Variants in NAT1 observed in about 807,000 individuals in gnomAD.
The protein encoded by NAT1 is arylamine N-acetyltransferase 1.
For missense variants in NAT1, 400 were observed against 339.2 expected (o/e 1.18, Z -1.41); for synonymous variants, 144 against 122.6 (o/e 1.17, Z -1.16).
chr8:18,208,981 C>G (rs1053363519), upstream of NAT1, among the ~76,000 whole-genome samples: 18 of 152,310 alleles, frequency 1.2e-4, no homozygotes, highest in African/African-American at 3.9e-4. Context: ...TGTCGCGGGA[C>G]AGTGAGACCA....
chr8:18,178,626 CT>C (rs1173990865), intron 2 of NAT1, among the ~76,000 whole-genome samples: 3 of 152,136 alleles, frequency 2.0e-5, no homozygotes, highest in Non-Finnish European at 4.4e-5. Flanking sequence ...TATCACTGTT[CT>C]TTCCATTTAA....
chr8:18,202,354 T>C (rs550976006), intron 2 of NAT1, among the ~76,000 whole-genome samples: 147 of 152,330 alleles, frequency 9.7e-4, no homozygotes, highest in African/African-American at 3.4e-3. Context: ...AAGAGATTGA[T>C]CGTCTAAAGC....
intron 2 of NAT1, among the ~76,000 whole-genome samples, chr8:18,199,916 T>G (rs1803392432): frequency 6.6e-6 from 1 of 152,054 alleles, no homozygotes. Flanking sequence ...TATGAAAAAA[T>G]GCTCAACATC....
At chr8:18,216,819 T>A in intron 1 of NAT1, 1 of 1,003,144 alleles carries the variant, frequency 1.0e-6, no homozygotes. Flanking sequence ...CTCAATAGGA[T>A]GTGGCACAAA....
At chr8:18,185,143 C>A (rs1382901847) in intron 2 of NAT1, among the ~76,000 whole-genome samples, 2 of 152,034 alleles carry the variant, frequency 1.3e-5, no homozygotes, top group Admixed American at 6.5e-5. Context: ...ATGTCCGTAT[C>A]AAGTTTGTGT....
Position 18,204,995 on chromosome 8 carries a change from C to T in NAT1, n.93-4786C>T, listed in dbSNP as rs193178331. 1.1e-3 allele frequency among the ~76,000 whole-genome samples: 161 copies of T among 152,322 alleles called. 1 individual carries two copies. Among genetic ancestry groups the T allele is most frequent in the African/African-American group, 3.7e-3 (154 of 41,582 alleles). On this transcript the variant is annotated intron_variant and non_coding_transcript_variant, in intron 2 of 4. Coordinates refer to the NAT1 transcript ENST00000517441. ...GACTGTATGCTCTAACTATGGGGGA[C>T]TTGCCTTGATCCCTGACTTTGTCCT...
chr8:18,216,266 C>T (rs1804653994), intron 1 of NAT1, among the ~76,000 whole-genome samples: 1 of 152,180 alleles, frequency 6.6e-6, no homozygotes, highest in Admixed American at 6.5e-5. Context: ...AGAGTAGCTT[C>T]TAACAGCGCT....
intron 2 of NAT1, among the ~76,000 whole-genome samples, chr8:18,187,005 T>C (rs1311623071): frequency 3.9e-5 from 6 of 151,904 alleles, no homozygotes; most frequent in Non-Finnish European, 5.9e-5. Context: ...GCCTGAGGAG[T>C]TGGTGACTCT....
intron 2 of NAT1, among the ~76,000 whole-genome samples, chr8:18,173,182 A>G (rs1563158190): frequency 6.6e-6 from 1 of 151,698 alleles, no homozygotes; most frequent in Non-Finnish European, 1.5e-5. Flanking sequence ...ACACACAATG[A>G]TCATGTGCAC....
chr8:18,211,357 T>C (rs1804084494), intron 1 of NAT1: 1 of 152,184 alleles, frequency 6.6e-6, no homozygotes, highest in Non-Finnish European at 1.5e-5. Flanking sequence ...ACTTGTTTGC[T>C]CTTTCCTAAT....
intron 1 of NAT1, among the ~76,000 whole-genome samples, chr8:18,214,056 G>A (rs368448572): frequency 5.9e-5 from 9 of 152,046 alleles, no homozygotes; most frequent in Middle Eastern, 3.4e-3. Context: ...CTCGTGATCC[G>A]CCCGCCTCGG....
At position 18,223,553 on chromosome 8, in the gene NAT1, A is replaced by G. The variant is rs1344105593; in HGVS notation, c.*633A>G. 1 of 167,050 alleles carries G rather than the reference A, an allele frequency of 6.0e-6. No individual in the cohort carries two copies. Among genetic ancestry groups the G allele is most frequent in the Non-Finnish European group, 1.5e-5 (1 of 68,118 alleles). The allele number at this position is 167,050 out of a possible 1,614,324, so 10.3% of individuals were successfully genotyped here. A position where few individuals can be genotyped will look rare whatever the true frequency, so the allele number is the denominator to read the frequency against. On this transcript the variant is annotated 3_prime_UTR_variant, in exon 3 of 3. Transcript: ENST00000307719. Reference sequence around the variant, plus strand: ...GACTCCTCAGGCATAAAATGGGAATAATGCTTTTACAGTTTAGTGGCGGAA... The same window carrying G: ...GACTCCTCAGGCATAAAATGGGAATGATGCTTTTACAGTTTAGTGGCGGAA...
At chr8:18,219,539 A>C in intron 2 of NAT1, 50 bp downstream of exon 2, 1 of 981,234 alleles carries the variant, frequency 1.0e-6, no homozygotes, top group Admixed American at 2.4e-5. Flanking sequence ...AAGCACGTTC[A>C]CTCTGCCTCC....
Position 18,222,365 on chromosome 8 carries a change from T to G in NAT1, c.318T>G (p.Ile106Met), listed in dbSNP as rs751961199. 1.5e-5 allele frequency: 25 copies of G among 1,613,966 alleles called. No homozygotes were observed. The change falls in exon 3 of 3, where the codon ATT becomes ATG. Residue 106 changes from isoleucine (I) to methionine (M), a missense_variant. Physicochemically the swap from Ile to Met is conservative, Grantham distance 10 (BLOSUM62 1). Transcript: ENST00000307719. ...CCAAAAAATACAGCACTGGCATGAT[T>G]CACCTTCTCCTGCAGGTGACCATTG... is the stretch of plus-strand genomic sequence containing the variant. ...TPAKKYSTGM[I>M]HLLLQVTIDG...
intron 2 of NAT1, among the ~76,000 whole-genome samples, chr8:18,202,726 G>C (rs184853540): frequency 2.8e-3 from 422 of 152,290 alleles, no homozygotes; most frequent in Non-Finnish European, 4.7e-3. Flanking sequence ...GCAGACCCTG[G>C]CGGTGAGTGT....
At chr8:18,197,513 C>T (rs1803285430) in intron 2 of NAT1, among the ~76,000 whole-genome samples, 1 of 152,136 alleles carries the variant, frequency 6.6e-6, no homozygotes, top group African/African-American at 2.4e-5. Flanking sequence ...ACCAGGGATA[C>T]TGCTAAACAA....
chr8:18,189,483 G>A (rs929752128), intron 2 of NAT1, among the ~76,000 whole-genome samples: 2 of 152,028 alleles, frequency 1.3e-5, no homozygotes, highest in African/African-American at 4.8e-5. Context: ...TAATAAAAAC[G>A]GTCACACAAC....
At chr8:18,207,611 A>C (rs972013177), upstream of NAT1, among the ~76,000 whole-genome samples, 4 of 152,298 alleles carry the variant, frequency 2.6e-5, no homozygotes, top group Non-Finnish European at 5.9e-5. Context: ...AAACATCAAG[A>C]AAAACAGATG....
intron 2 of NAT1, among the ~76,000 whole-genome samples, chr8:18,204,445 T>G (rs1031763534): frequency 2.0e-5 from 3 of 152,212 alleles, no homozygotes; most frequent in African/African-American, 7.2e-5. Flanking sequence ...TATGTTAAAC[T>G]AAGTAATAGA....
Sources: allele counts gnomAD v4.1 joint callset (sites outside exome capture counted in the v4.1 genomes callset), GRCh38; gene constraint gnomAD v4.1.1; transcripts MANE v1.5; gene names NCBI Gene and HGNC (gene_info 2026-07-23, HGNC 2026-07-21).